Variants in SLC39A10 observed in about 807,000 individuals in gnomAD.
The protein encoded by SLC39A10 is zinc transporter ZIP10.
A neutral mutation model predicts 65.1 loss-of-function variants in SLC39A10; 13 were observed. That is an observed-to-expected ratio of 0.20 (90% CI 0.13 to 0.32). The LOEUF (loss-of-function observed/expected upper bound fraction) is 0.32. Among genes scored for constraint, SLC39A10 ranks in the 10% least tolerant of loss-of-function variants. The pLI is 1.00. For missense variants in SLC39A10, 831 were observed against 1,018.4 expected (o/e 0.82, Z 2.50); for synonymous variants, 321 against 342.2 (o/e 0.94, Z 0.68).
chr2:195,695,394 T>C (rs1228409798), intron 3 of SLC39A10, among the ~76,000 whole-genome samples: 2 of 152,048 alleles, frequency 1.3e-5, no homozygotes, highest in Non-Finnish European at 2.9e-5. Flanking sequence ...AAACTGGCAG[T>C]CACAGGCCTC....
chr2:195,630,103 A>ATGTG (rs35865354), intron 2 of SLC39A10, among the ~76,000 whole-genome samples: 7,001 of 131,692 alleles, frequency 0.053, 216 homozygotes, highest in African/African-American at 0.065. Context: ...CTCATTTTAT[A>ATGTG]TGTGTGTGTG....
intron 1 of SLC39A10, among the ~76,000 whole-genome samples, chr2:195,668,547 TTG>T (rs1178589986): frequency 2.6e-5 from 4 of 152,234 alleles, no homozygotes; most frequent in African/African-American, 9.6e-5. Context: ...TTAGCATATT[TTG>T]TGTGTTTGTG....
rs990579270 is a variant in SLC39A10 at position 195,646,653 on chromosome 2, C to T, written c.-11-33379C>T. 6.7e-5 allele frequency among the ~76,000 whole-genome samples: 10 copies of T among 148,288 alleles called. No homozygotes were observed. The South Asian group carries it at 1.1e-3, about 16-fold the overall frequency. ...CCCCACCACCAACCCCCTACAGACC[C>T]GGTAAGGCCGGTAGGGCCTTTTAGG... is the stretch of plus-strand genomic sequence containing the variant. On this transcript the variant is annotated intron_variant, in intron 2 of 2. Transcript: ENST00000458054.
intron 2 of SLC39A10, among the ~76,000 whole-genome samples, chr2:195,631,372 T>C (rs1688582618): frequency 6.6e-6 from 1 of 152,132 alleles, no homozygotes; most frequent in African/African-American, 2.4e-5. Flanking sequence ...ATCAAATTGT[T>C]AAACGAAATT....
chr2:195,714,152 C>G (rs555144982), intron 6 of SLC39A10, among the ~76,000 whole-genome samples: 5 of 152,018 alleles, frequency 3.3e-5, no homozygotes, highest in Admixed American at 6.6e-5. Flanking sequence ...AGGATGGTCT[C>G]CATCTCCTGA....
At chr2:195,712,677 A>G (rs1691642801) in intron 5 of SLC39A10, among the ~76,000 whole-genome samples, 1 of 152,230 alleles carries the variant, frequency 6.6e-6, no homozygotes, top group South Asian at 2.1e-4. Context: ...ACATTGATAA[A>G]AGAAGAAAGC....
intron 2 of SLC39A10, among the ~76,000 whole-genome samples, chr2:195,648,138 G>A (rs1035742891): frequency 7.2e-5 from 11 of 152,266 alleles, no homozygotes; most frequent in African/African-American, 2.6e-4. Context: ...GACCACAGGT[G>A]TGTGACACCA....
chr2:195,649,334 G>A (rs927973292), intron 2 of SLC39A10, among the ~76,000 whole-genome samples: 2 of 152,086 alleles, frequency 1.3e-5, no homozygotes, highest in Non-Finnish European at 2.9e-5. Context: ...TTCATTTCTT[G>A]CCTTCCCTAA....
chr2:195,638,706 C>G (rs1215230398), intron 2 of SLC39A10, among the ~76,000 whole-genome samples: 1 of 152,116 alleles, frequency 6.6e-6, no homozygotes, highest in Non-Finnish European at 1.5e-5. Context: ...TATATACCCC[C>G]CATCCAGTTT....
chr2:195,652,015 T>G (rs1689041004), upstream of SLC39A10, among the ~76,000 whole-genome samples: 1 of 152,198 alleles, frequency 6.6e-6, no homozygotes, highest in Non-Finnish European at 1.5e-5. Flanking sequence ...AAGCAACAGC[T>G]TGGTTTTATA....
Position 195,713,537 on chromosome 2 carries a change from A to C in SLC39A10, c.1680A>C (p.Gln560His). Residue 560 changes from glutamine (Q) to histidine (H), a missense_variant, in exon 6 of 10, where the codon CAA (glutamine) becomes CAC (histidine). By Grantham distance (24) the Gln-to-His change is conservative. Transcript: ENST00000359634. The part of the protein sequence containing the change: ...LNNTPDSDWL[Q>H]LKPLAGTDDS... ...ATACACCAGATTCTGACTGGCTTCA[A>C]CTCAAGCCTCTTGCCGGTAGACAGC... The C allele has an allele frequency of 6.4e-7, 1 of 1,562,472 alleles. No individual in the cohort carries two copies. Among genetic ancestry groups the C allele is most frequent in the Non-Finnish European group, 8.6e-7 (1 of 1,165,584 alleles).
At chr2:195,700,205 CCATTTA>C (rs1406382698) in intron 3 of SLC39A10, among the ~76,000 whole-genome samples, 2 of 152,018 alleles carry the variant, frequency 1.3e-5, no homozygotes, top group Admixed American at 6.6e-5. Flanking sequence ...AGAGTTTAAT[CCATTTA>C]CATTTAAAGT....
At position 195,680,255 on chromosome 2, in the gene SLC39A10, T is replaced by C. The variant is rs757756422; in HGVS notation, c.213T>C (p.Tyr71=). The C allele has an allele frequency of 3.1e-6, 5 of 1,613,804 alleles. No individual in the cohort carries two copies. Among genetic ancestry groups the C allele is most frequent in the Admixed American group, 1.7e-5 (1 of 59,952 alleles). Residue 71 remains tyrosine, a synonymous_variant, in exon 2 of 10, where the codon TAT becomes TAC. Transcript: ENST00000359634. ...KYYIEKLFER[Y]GENGRLSFFG... is the part of the protein sequence containing the mutation. ...ATATTGAAAAACTTTTTGAGCGTTA[T>C]GGTGAAAATGGAAGATTATCCTTTT...
At chr2:195,669,612 T>C (rs1689772270) in intron 1 of SLC39A10, among the ~76,000 whole-genome samples, 1 of 152,228 alleles carries the variant, frequency 6.6e-6, no homozygotes, top group South Asian at 2.1e-4. Flanking sequence ...CTACTGAACT[T>C]GTTATTTAGG....
rs556333206 is a variant in SLC39A10 at position 195,641,747 on chromosome 2, A to C, written c.-12+35514A>C. Among the ~76,000 whole-genome samples, 10 of 145,816 alleles carry C rather than the reference A, an allele frequency of 6.9e-5. No homozygotes were observed. The South Asian group carries it at 2.2e-3, about 32-fold the overall frequency. On this transcript the variant is annotated intron_variant, in intron 2 of 2. Coordinates refer to the SLC39A10 transcript ENST00000458054. ...GGGAGTCTTGCCCAGGCTGGAGTGC[A>C]GTGGTGCAATCTCTGCTCACTGCAA...
chr2:195,725,251 T>G (rs1029640157), intron 8 of SLC39A10, among the ~76,000 whole-genome samples: 1 of 152,072 alleles, frequency 6.6e-6, no homozygotes, highest in East Asian at 1.9e-4. Flanking sequence ...CTAAGCATAC[T>G]CCATTAAGGA....
chr2:195,684,086 A>G (rs1690433457), intron 3 of SLC39A10, among the ~76,000 whole-genome samples, 180 bp downstream of exon 3: 1 of 151,960 alleles, frequency 6.6e-6, no homozygotes, highest in African/African-American at 2.4e-5. Flanking sequence ...CGGGGGCACA[A>G]TGTGTTTTAT....
chr2:195,697,725 A>C (rs1228423504), intron 3 of SLC39A10, among the ~76,000 whole-genome samples: 1 of 152,204 alleles, frequency 6.6e-6, no homozygotes, highest in Non-Finnish European at 1.5e-5. Context: ...AAACAAATTT[A>C]CAAGAAAAAA....
At chr2:195,712,019 G>T (rs1691616930) in intron 5 of SLC39A10, among the ~76,000 whole-genome samples, 1 of 152,082 alleles carries the variant, frequency 6.6e-6, no homozygotes, top group Non-Finnish European at 1.5e-5. Flanking sequence ...TCTGTGCCAG[G>T]ATTCAAATGG....
Sources: allele counts gnomAD v4.1 joint callset (sites outside exome capture counted in the v4.1 genomes callset), GRCh38; gene constraint gnomAD v4.1.1; transcripts MANE v1.5; gene names NCBI Gene and HGNC (gene_info 2026-07-23, HGNC 2026-07-21).